The following MAN1C1 variants were observed in gnomAD, a reference collection of about 807,000 sequenced individuals.
MAN1C1 encodes the protein mannosidase alpha class 1C member 1.
Under a neutral mutation model 71.5 loss-of-function variants are expected in MAN1C1, and 49 were observed. The observed-to-expected ratio is 0.69, with a 90% CI of 0.54 to 0.87. The LOEUF (loss-of-function observed/expected upper bound fraction) is 0.87, where lower values mean the gene tolerates loss of function less well. Among genes scored for constraint, MAN1C1 ranks in the 40% least tolerant of loss-of-function variants. The probability of loss-of-function intolerance (pLI) is 0.00; values close to 1 mark genes in which losing one functional copy is unlikely to be tolerated. For missense variants in MAN1C1, 743 were observed against 835.0 expected (o/e 0.89, Z 1.36); for synonymous variants, 352 against 343.7 (o/e 1.02, Z -0.27).
intron 2 of MAN1C1, among the ~76,000 whole-genome samples, chr1:25,739,472 AT>A (rs1486289525): frequency 6.6e-6 from 1 of 151,978 alleles, no homozygotes; most frequent in Non-Finnish European, 1.5e-5. Context: ...GCCTTGGGTG[AT>A]TTTTTTTCTT....
chr1:25,620,465 G>A (rs1460060207), intron 1 of MAN1C1, among the ~76,000 whole-genome samples: 1 of 152,208 alleles, frequency 6.6e-6, no homozygotes, highest in African/African-American at 2.4e-5. Context: ...TTTTGGTTTA[G>A]TTGTTAACAG....
chr1:25,673,246 G>A (rs1312689480), intron 1 of MAN1C1, among the ~76,000 whole-genome samples: 2 of 152,174 alleles, frequency 1.3e-5, no homozygotes. Flanking sequence ...CGAACACTTA[G>A]TGGAGTATGC....
At chr1:25,767,247 T>C (rs1246823709) in intron 7 of MAN1C1, among the ~76,000 whole-genome samples, 1 of 100,048 alleles carries the variant, frequency 1.0e-5, no homozygotes, top group African/African-American at 4.1e-5. Context: ...TCCCCTCACA[T>C]CCACACTCCC....
chr1:25,632,959 C>T (rs1336633850), intron 1 of MAN1C1, among the ~76,000 whole-genome samples: 1 of 151,288 alleles, frequency 6.6e-6, no homozygotes, highest in Non-Finnish European at 1.5e-5. Flanking sequence ...CCTCTGCTTC[C>T]CAGGTTCAAG....
chr1:25,651,897 A>G (rs756196965), intron 1 of MAN1C1, among the ~76,000 whole-genome samples: 5 of 152,224 alleles, frequency 3.3e-5, no homozygotes, highest in Non-Finnish European at 5.9e-5. Context: ...TGTTAGCAAC[A>G]TGTTCCCACG....
At chr1:25,768,592 C>A in intron 7 of MAN1C1, among the ~76,000 whole-genome samples, 1 of 112,374 alleles carries the variant, frequency 8.9e-6, no homozygotes, top group Admixed American at 8.6e-5. Context: ...ACCCACACAC[C>A]CACACTCCCC....
chr1:25,768,717 T>A (rs1186747869), intron 7 of MAN1C1, among the ~76,000 whole-genome samples: 1 of 60,454 alleles, frequency 1.7e-5, no homozygotes, highest in Non-Finnish European at 3.1e-5. Context: ...CTACATACAC[T>A]CCCCCTACAT....
At chr1:25,751,521 A>C (rs527892242) in intron 4 of MAN1C1, among the ~76,000 whole-genome samples, 4 of 152,330 alleles carry the variant, frequency 2.6e-5, no homozygotes, top group African/African-American at 9.6e-5. Flanking sequence ...CTGTGACTTG[A>C]AAAACAGCTC....
At chr1:25,689,289 G>A (rs2786865) in intron 2 of MAN1C1, among the ~76,000 whole-genome samples, 33,776 of 152,098 alleles carry the variant, frequency 0.22, 6,314 homozygotes, top group African/African-American at 0.51. Flanking sequence ...GCTGACATGG[G>A]CAGTCCTTAC....
chr1:25,624,977 T>C (rs931990433), intron 1 of MAN1C1, among the ~76,000 whole-genome samples: 2 of 151,240 alleles, frequency 1.3e-5, no homozygotes, highest in Admixed American at 6.6e-5. Context: ...AATTTATTAA[T>C]ACATATAGCG....
chr1:25,774,823 T>TA (rs5773133), intron 8 of MAN1C1, among the ~76,000 whole-genome samples: 134 of 148,364 alleles, frequency 9.0e-4, no homozygotes, highest in African/African-American at 2.3e-3. Flanking sequence ...GTTAATACAT[T>TA]AAAAAAAAAA....
At position 25,764,047 on chromosome 1, in the gene MAN1C1, G is replaced by A; in HGVS notation, c.1141+80G>A. On this transcript the variant is annotated intron_variant, in intron 7 of 11. Transcript: ENST00000374332. This position sits in a 1 kb window ranked among gnomAD's most constrained non-coding sequence, Gnocchi z 4.4. ...TAGGAAGACCCTGCCAGGCCCCTGG[G>A]CTGAGTGAGGATGTGTCTGTCAGAG... 8.5e-7 allele frequency: 1 copy of A among 1,176,334 alleles called. No individual in the cohort carries two copies. The highest frequency in any genetic ancestry group is 1.3e-6 in the Non-Finnish European group (1 of 790,238). The allele number at this position is 1,176,334 out of a possible 1,614,324, so 72.9% of individuals were successfully genotyped here. A position where few individuals can be genotyped will look rare whatever the true frequency, so the allele number is the denominator to read the frequency against.
intron 2 of MAN1C1, among the ~76,000 whole-genome samples, chr1:25,737,084 T>C (rs1332677878): frequency 6.6e-6 from 1 of 152,244 alleles, no homozygotes; most frequent in Non-Finnish European, 1.5e-5. Context: ...ATGAAAGCAG[T>C]TCAGAGCTTG....
At chr1:25,715,374 G>A (rs71638391) in intron 2 of MAN1C1, among the ~76,000 whole-genome samples, 1 of 152,174 alleles carries the variant, frequency 6.6e-6, no homozygotes. Flanking sequence ...GGAAGGAGGG[G>A]AGGTGTAGAA....
chr1:25,783,869 TG>T lies in MAN1C1; in HGVS notation c.*83del. The T allele has an allele frequency of 6.5e-7, 1 of 1,533,180 alleles. No homozygotes were observed. Among genetic ancestry groups the T allele is most frequent in the Non-Finnish European group, 8.8e-7 (1 of 1,137,864 alleles). 95.0% of individuals were successfully genotyped at this position (1,533,180 alleles called of 1,614,324 possible). On this transcript the variant is annotated 3_prime_UTR_variant, in exon 12 of 12. Coordinates refer to ENST00000374332, the MANE Select transcript of MAN1C1 (RefSeq NM_020379.4). ...GATTTGAGACTGTTCTCAAAGGGAT[TG>T]GGAACGAAGGCCCCATCTCGGGCAG...
chr1:25,682,978 T>C (rs1038809772), intron 1 of MAN1C1, among the ~76,000 whole-genome samples: 6 of 148,448 alleles, frequency 4.0e-5, no homozygotes, highest in African/African-American at 1.5e-4. Context: ...GCAGAGGTTG[T>C]GGTAAGCTGA....
At chr1:25,759,753 G>C (rs964844675) in intron 6 of MAN1C1, 1 of 152,100 alleles carries the variant, frequency 6.6e-6, no homozygotes, top group African/African-American at 2.4e-5. Flanking sequence ...CGCATGGTTT[G>C]GGACCACTAC....
rs1160211637 is a variant in MAN1C1, at chr1:25,778,604, G to A, written c.1477+280G>A. ...CTCACCACACAGATGAGGAAACTGA[G>A]GCTCAGAGATTACTTGGCCAAGGTC... On this transcript the variant is annotated intron_variant, in intron 9 of 11. Coordinates refer to ENST00000374332, the MANE Select transcript of MAN1C1 (RefSeq NM_020379.4). This position sits in a 1 kb window ranked among gnomAD's most constrained non-coding sequence, Gnocchi z 5.5. Among the ~76,000 whole-genome samples, 1 of 152,152 alleles carries A rather than the reference G, an allele frequency of 6.6e-6. No homozygotes were observed. Among genetic ancestry groups the A allele is most frequent in the African/African-American group, 2.4e-5 (1 of 41,434 alleles).
Position 25,776,541 on chromosome 1 carries a change from A to C in MAN1C1, c.1258-1564A>C, listed in dbSNP as rs1183410869. ...GCACTTCAGCCTGGGTGACAGAGTA[A>C]GACTGTGTCTCAAAACAAAACGAAT... On this transcript the variant is annotated intron_variant, in intron 8 of 11. Transcript: ENST00000374332. This position sits in a 1 kb window ranked among gnomAD's most constrained non-coding sequence, Gnocchi z 4.3. Among the ~76,000 whole-genome samples, 1 of 152,166 alleles carries C rather than the reference A, an allele frequency of 6.6e-6. No homozygotes were observed. The highest frequency in any genetic ancestry group is 1.5e-5 in the Non-Finnish European group (1 of 68,030).
Sources: gnomAD v4.1 joint callset for allele counts (sites outside exome capture counted in the v4.1 genomes callset) on GRCh38, gnomAD v4.1.1 for gene constraint, Gnocchi (gnomAD v3.1) non-coding constraint, MANE v1.5 for transcripts, NCBI Gene and HGNC (gene_info 2026-07-23, HGNC 2026-07-21) for gene names.